Variants in TSGA10 observed in about 807,000 individuals in gnomAD.
The protein encoded by TSGA10 is testis-specific gene 10 protein.
TSGA10 carries 43 observed loss-of-function variants against 96.6 expected under a neutral mutation model. That is an observed-to-expected ratio of 0.44 (90% CI 0.35 to 0.57). The LOEUF (loss-of-function observed/expected upper bound fraction) is 0.57, where lower values mean the gene tolerates loss of function less well. Ranked by LOEUF, TSGA10 falls within the 20% of genes least tolerant of loss-of-function variation. The pLI is 0.01. For synonymous variants in TSGA10, 229 were observed against 269.9 expected (o/e 0.85, Z 1.48); for missense variants, 703 against 834.4 (o/e 0.84, Z 1.94).
chr2:99,127,031 T>C lies in TSGA10; in HGVS notation c.-492+17A>G, dbSNP rs532995019. ...CCCCAAATTAAGTCAGGAAAATATG[T>C]TGTAACTAAACGCAACCTGTAATTT... On this transcript the variant is annotated intron_variant, in intron 2 of 20. Transcript: ENST00000393483. 1 of 1,286,414 alleles carries C rather than the reference T, an allele frequency of 7.8e-7. No individual in the cohort carries two copies. Among genetic ancestry groups the C allele is most frequent in the Non-Finnish European group, 1.0e-6 (1 of 987,880 alleles). 79.7% of individuals were successfully genotyped at this position (1,286,414 alleles called of 1,614,324 possible).
At chr2:99,061,757 TC>T (rs1285221350) in intron 16 of TSGA10, among the ~76,000 whole-genome samples, 1 of 152,158 alleles carries the variant, frequency 6.6e-6, no homozygotes, top group Non-Finnish European at 1.5e-5. Context: ...CAAAACTGTG[TC>T]CCCTCCAAAT....
chr2:99,104,617 G>C lies in TSGA10; in HGVS notation c.460-499C>G, dbSNP rs185124142. Among the ~76,000 whole-genome samples the C allele has an allele frequency of 1.8e-3, 267 of 152,110 alleles. 1 individual carries two copies. The highest frequency in any genetic ancestry group is 6.8e-3 in the Middle Eastern group (2 of 294). ...AGCCTCCCAAGTAGCTGGGACTACA[G>C]GCGCATGCCACCACACCTGGCAAAT... On this transcript the variant is annotated intron_variant, in intron 9 of 20. Coordinates refer to ENST00000393483, the MANE Select transcript of TSGA10 (RefSeq NM_025244.4).
intron 16 of TSGA10, among the ~76,000 whole-genome samples, chr2:99,061,431 T>C (rs1169550952): frequency 6.6e-6 from 1 of 152,180 alleles, no homozygotes; most frequent in African/African-American, 2.4e-5. Context: ...AACCACTTTG[T>C]TTTTTGTTTC....
chr2:99,039,271 A>G (rs2081968942), intron 16 of TSGA10, among the ~76,000 whole-genome samples: 1 of 151,862 alleles, frequency 6.6e-6, no homozygotes, highest in Admixed American at 6.6e-5. Context: ...AAGAAAAGAA[A>G]TAACAAAGAT....
intron 2 of TSGA10, among the ~76,000 whole-genome samples, chr2:99,122,057 C>CA (rs996389839): frequency 6.6e-6 from 1 of 152,158 alleles, no homozygotes; most frequent in Non-Finnish European, 1.5e-5. Context: ...GCATCTCTGT[C>CA]AAAAAATCGT....
chr2:99,115,531 A>G (rs2092184429), intron 4 of TSGA10, among the ~76,000 whole-genome samples: 1 of 152,102 alleles, frequency 6.6e-6, no homozygotes, highest in African/African-American at 2.4e-5. Flanking sequence ...CCTGTTCCAG[A>G]CAACATGGTT....
intron 20 of TSGA10, among the ~76,000 whole-genome samples, chr2:99,005,045 A>G (rs1350887711): frequency 6.6e-6 from 1 of 152,226 alleles, no homozygotes; most frequent in Non-Finnish European, 1.5e-5. Flanking sequence ...CAAAAACCAC[A>G]TGATTATCTC....
chr2:99,026,429 T>A (rs999142081), intron 17 of TSGA10, among the ~76,000 whole-genome samples: 1 of 152,068 alleles, frequency 6.6e-6, no homozygotes, highest in African/African-American at 2.4e-5. Context: ...CTTTTTTTTT[T>A]TTATTTTTGA....
chr2:99,025,332 C>T (rs2080466958), intron 17 of TSGA10, among the ~76,000 whole-genome samples: 2 of 152,146 alleles, frequency 1.3e-5, no homozygotes, highest in Admixed American at 1.3e-4. Context: ...AGATTTTCTA[C>T]TTTTCCTTAA....
intron 15 of TSGA10, among the ~76,000 whole-genome samples, chr2:99,067,025 T>C (rs1443452410): frequency 3.3e-5 from 5 of 152,220 alleles, no homozygotes; most frequent in Non-Finnish European, 7.3e-5. Flanking sequence ...ACTTATATGT[T>C]TTAGTTCTAA....
intron 1 of TSGA10, among the ~76,000 whole-genome samples, chr2:99,132,104 C>T (rs1179833785): frequency 6.6e-6 from 1 of 152,056 alleles, no homozygotes; most frequent in African/African-American, 2.4e-5. Flanking sequence ...GTTTCCCTGC[C>T]AGGTTTTGGT....
intron 15 of TSGA10, among the ~76,000 whole-genome samples, chr2:99,067,747 G>A (rs1041552551): frequency 6.6e-6 from 1 of 151,932 alleles, no homozygotes; most frequent in African/African-American, 2.4e-5. Flanking sequence ...CACCTACTCA[G>A]GAGGCAGGAG....
intron 17 of TSGA10, among the ~76,000 whole-genome samples, chr2:99,026,789 C>A (rs1237999006): frequency 6.6e-6 from 1 of 152,030 alleles, no homozygotes; most frequent in African/African-American, 2.4e-5. Flanking sequence ...TAAAGTAAGG[C>A]CATAAATGGA....
intron 16 of TSGA10, among the ~76,000 whole-genome samples, chr2:99,039,167 A>G (rs2081954713): frequency 6.6e-6 from 1 of 152,126 alleles, no homozygotes; most frequent in Non-Finnish European, 1.5e-5. Context: ...TCATACTATT[A>G]AATGCCTAAA....
At chr2:99,089,793 C>G (rs865999166) in intron 10 of TSGA10, among the ~76,000 whole-genome samples, 1 of 152,108 alleles carries the variant, frequency 6.6e-6, no homozygotes, top group South Asian at 2.1e-4. Context: ...CATGACTAAC[C>G]CTGCCCCACC....
At chr2:99,140,095 C>T (rs778884946) in intron 1 of TSGA10, among the ~76,000 whole-genome samples, 1 of 152,012 alleles carries the variant, frequency 6.6e-6, no homozygotes, top group African/African-American at 2.4e-5. Context: ...AAACAGTACG[C>T]GAGATATTGT....
chr2:99,133,044 G>A (rs1443639816), intron 1 of TSGA10, among the ~76,000 whole-genome samples: 1 of 152,160 alleles, frequency 6.6e-6, no homozygotes, highest in Non-Finnish European at 1.5e-5. Flanking sequence ...GTGATGTGTT[G>A]CTGAGAAGAA....
chr2:99,150,044 C>T (rs555391887), intron 1 of TSGA10, among the ~76,000 whole-genome samples: 13 of 151,942 alleles, frequency 8.6e-5, no homozygotes, highest in South Asian at 8.3e-4. Context: ...CCACCCGCCT[C>T]GGCCCCCAAA....
chr2:99,114,742 C>G (rs1364860522), intron 4 of TSGA10, among the ~76,000 whole-genome samples: 1 of 152,078 alleles, frequency 6.6e-6, no homozygotes, highest in Admixed American at 6.5e-5. Context: ...AGAATTTACC[C>G]TGACATAGTA....
Sources: gnomAD v4.1 joint callset for allele counts (sites outside exome capture counted in the v4.1 genomes callset) on GRCh38, gnomAD v4.1.1 for gene constraint, MANE v1.5 for transcripts, NCBI Gene and HGNC (gene_info 2026-07-23, HGNC 2026-07-21) for gene names.